Variants in AUTS2 observed in about 807,000 individuals in gnomAD.
AUTS2 encodes the protein autism susceptibility gene 2 protein.
Under a neutral mutation model 112.4 loss-of-function variants are expected in AUTS2, and 17 were observed. The ratio of observed to expected loss-of-function variants is 0.15; its 90% CI spans 0.10 to 0.23. The LOEUF is 0.23. Ranked by LOEUF, AUTS2 falls within the 10% of genes least tolerant of loss-of-function variation. The pLI is 1.00. For synonymous variants in AUTS2, 751 were observed against 702.7 expected, an observed-to-expected ratio of 1.07 and a Z score of -1.09; for missense variants, 1,510 against 1,701.6, an observed-to-expected ratio of 0.89 and a Z score of 1.98.
At chr7:70,650,018 G>T (rs1373426066) in intron 5 of AUTS2, among the ~76,000 whole-genome samples, 1 of 152,110 alleles carries the variant, frequency 6.6e-6, no homozygotes. Flanking sequence ...TTCTAAATGG[G>T]ACTGGTTAAG....
intron 2 of AUTS2, among the ~76,000 whole-genome samples, chr7:70,095,565 G>T (rs1318493056): frequency 6.6e-6 from 1 of 152,080 alleles, no homozygotes; most frequent in African/African-American, 2.4e-5. Context: ...TGTATGCCAG[G>T]TATTATGCTA....
At chr7:69,982,028 G>A (rs1178805520) in intron 2 of AUTS2, among the ~76,000 whole-genome samples, 2 of 152,242 alleles carry the variant, frequency 1.3e-5, no homozygotes, top group Middle Eastern at 3.4e-3. Context: ...AGTTTCTTAA[G>A]GACAAGGACT....
At chr7:70,329,872 A>C (rs929460231) in intron 4 of AUTS2, among the ~76,000 whole-genome samples, 2 of 152,156 alleles carry the variant, frequency 1.3e-5, no homozygotes, top group Admixed American at 6.6e-5. Flanking sequence ...GGGAAATCCA[A>C]GACCAAGATG....
chr7:70,565,450 G>C (rs1433081141), intron 5 of AUTS2, among the ~76,000 whole-genome samples: 1 of 152,184 alleles, frequency 6.6e-6, no homozygotes, highest in Non-Finnish European at 1.5e-5. Flanking sequence ...AGGCCAAGGT[G>C]AGAGGATTGC....
chr7:69,692,880 C>T (rs1797406729), intron 1 of AUTS2, among the ~76,000 whole-genome samples: 2 of 152,176 alleles, frequency 1.3e-5, no homozygotes, highest in South Asian at 4.1e-4. Context: ...TCTGAAACCC[C>T]TCTAGGTTCC....
intron 2 of AUTS2, among the ~76,000 whole-genome samples, chr7:69,923,613 C>G (rs955574570): frequency 6.6e-6 from 1 of 152,110 alleles, no homozygotes; most frequent in African/African-American, 2.4e-5. Flanking sequence ...CTATTTAGAT[C>G]TTACTTATTT....
intron 5 of AUTS2, among the ~76,000 whole-genome samples, chr7:70,688,211 C>T (rs1808565107): frequency 6.6e-6 from 1 of 152,186 alleles, no homozygotes; most frequent in South Asian, 2.1e-4. Context: ...GGACAATTTC[C>T]ACCGTGTCTT....
At chr7:70,462,743 G>A (rs909000673) in intron 5 of AUTS2, among the ~76,000 whole-genome samples, 4 of 152,038 alleles carry the variant, frequency 2.6e-5, no homozygotes, top group African/African-American at 9.7e-5. Context: ...GATCATCTGA[G>A]GTCAGGAGTT....
chr7:70,722,787 G>C (rs185959798), intron 6 of AUTS2, among the ~76,000 whole-genome samples: 2 of 152,082 alleles, frequency 1.3e-5, no homozygotes, highest in East Asian at 1.9e-4. Context: ...TTCAAATTCC[G>C]TAAAGATCTG....
chr7:70,153,664 T>A (rs958923316), intron 4 of AUTS2, among the ~76,000 whole-genome samples: 2 of 152,238 alleles, frequency 1.3e-5, no homozygotes, highest in African/African-American at 2.4e-5. Context: ...TGTCTGCCTC[T>A]TTTCCTATCT....
chr7:70,397,092 T>G (rs1394643675), intron 4 of AUTS2, among the ~76,000 whole-genome samples: 1 of 151,886 alleles, frequency 6.6e-6, no homozygotes, highest in Non-Finnish European at 1.5e-5. Context: ...AGATGGAATT[T>G]TGCTATTGTT....
chr7:70,164,861 A>G (rs1808300450), intron 4 of AUTS2, among the ~76,000 whole-genome samples: 1 of 152,198 alleles, frequency 6.6e-6, no homozygotes, highest in Admixed American at 6.5e-5. Context: ...AGATAAAAAA[A>G]AAAGGTGACT....
intron 1 of AUTS2, among the ~76,000 whole-genome samples, chr7:69,614,466 G>C (rs893010101): frequency 2.0e-5 from 3 of 151,576 alleles, no homozygotes; most frequent in African/African-American, 7.3e-5. Context: ...CGATCCTCCT[G>C]CTGCAGCCTC....
Position 70,787,453 on chromosome 7 carries a change from G to A in AUTS2, c.2531+22G>A, listed in dbSNP as rs574357735. The A allele has an allele frequency of 1.4e-5, 21 of 1,545,920 alleles. No homozygotes were observed. The East Asian group carries it at 2.5e-4, about 19-fold the overall frequency. On this transcript the variant is annotated intron_variant, in intron 18 of 18. Transcript: ENST00000342771. ...AAAGGTACGGAAAGAAACCGCTCTC[G>A]AGTCCCCACGGGGGAGCCTGCTCTA...
chr7:69,664,181 A>C (rs1795928179), intron 1 of AUTS2, among the ~76,000 whole-genome samples: 1 of 152,194 alleles, frequency 6.6e-6, no homozygotes, highest in Non-Finnish European at 1.5e-5. Flanking sequence ...TTTTATAGAG[A>C]GCACTTTTTA....
At position 70,168,356 on chromosome 7, in the gene AUTS2, G is replaced by A. The variant is rs541273640; in HGVS notation, c.660+33785G>A. Reference sequence around the variant, plus strand: ...CTGGGTAGGAAGCATTAGGGCAGACGCCCAGGCTGGAATGCAGTGGCGTGA... The same window carrying A: ...CTGGGTAGGAAGCATTAGGGCAGACACCCAGGCTGGAATGCAGTGGCGTGA... On this transcript the variant is annotated intron_variant, in intron 4 of 18. Transcript: ENST00000342771. Among the ~76,000 whole-genome samples the A allele has an allele frequency of 1.3e-4, 20 of 152,198 alleles. 1 individual carries two copies. Among genetic ancestry groups the A allele is most frequent in the African/African-American group, 3.9e-4 (16 of 41,540 alleles).
At chr7:70,696,674 A>AACACACAC (rs35577599) in intron 5 of AUTS2, among the ~76,000 whole-genome samples, 160 of 150,254 alleles carry the variant, frequency 1.1e-3, no homozygotes, top group African/African-American at 3.7e-3. Context: ...TTTTCACTCG[A>AACACACAC]ACACACACAC....
At chr7:70,777,695 C>CTGAT (rs1420996234) in intron 14 of AUTS2, among the ~76,000 whole-genome samples, 1 of 152,192 alleles carries the variant, frequency 6.6e-6, no homozygotes, top group Non-Finnish European at 1.5e-5. Flanking sequence ...CAAAAGCAAA[C>CTGAT]TGATAATGCC....
At chr7:70,120,295 ATTAG>A (rs1293111532) in intron 3 of AUTS2, 4 of 152,156 alleles carry the variant, frequency 2.6e-5, no homozygotes, top group African/African-American at 4.8e-5. Flanking sequence ...ATTTTAATAT[ATTAG>A]TTATAGATAA....
Sources: gnomAD v4.1 joint callset for allele counts (sites outside exome capture counted in the v4.1 genomes callset) on GRCh38, gnomAD v4.1.1 for gene constraint, MANE v1.5 for transcripts, NCBI Gene and HGNC (gene_info 2026-07-23, HGNC 2026-07-21) for gene names.